The following RRM2 variants were observed in gnomAD, a reference collection of about 807,000 sequenced individuals.
RRM2 encodes ribonucleotide reductase regulatory subunit M2, also known as ribonucleoside-diphosphate reductase subunit M2.
In RRM2, 6 loss-of-function variants were observed where a neutral mutation model predicts 45.9. That is an observed-to-expected ratio of 0.13 (90% CI 0.07 to 0.26). The LOEUF is 0.26. Ranked by LOEUF, RRM2 falls within the 10% of genes least tolerant of loss-of-function variation. The pLI is 1.00. For synonymous variants in RRM2, 177 were observed against 173.0 expected (o/e 1.02, Z -0.18); for missense variants, 343 against 489.5 (o/e 0.70, Z 2.82).
intron 3 of RRM2, among the ~76,000 whole-genome samples, chr2:10,157,280 T>G (rs1663451290): frequency 6.6e-6 from 1 of 152,222 alleles, no homozygotes; most frequent in African/African-American, 2.4e-5. Context: ...TCTGCCTGCC[T>G]CTGCTTCTCA....
rs1663808915 is a variant in RRM2 at position 10,171,608 on chromosome 2, G to A, written n.482+29233G>A. ...AGAGCTGATGCTGAACAAAGGAACAGGGTGATCTGGGAGCAGCAGCAGCCG... is the reference window on the plus strand; with the variant it reads ...AGAGCTGATGCTGAACAAAGGAACAAGGTGATCTGGGAGCAGCAGCAGCCG... On this transcript the variant is annotated intron_variant and non_coding_transcript_variant, in intron 3 of 3. Transcript: ENST00000381786. This position sits in a 1 kb window ranked among gnomAD's most constrained non-coding sequence, Gnocchi z 4.1. Among the ~76,000 whole-genome samples, 2 of 152,202 alleles carry A rather than the reference G, an allele frequency of 1.3e-5. No homozygotes were observed. Among genetic ancestry groups the A allele is most frequent in the Non-Finnish European group, 2.9e-5 (2 of 68,038 alleles).
At chr2:10,125,432 G>A (rs761133775) in intron 5 of RRM2, among the ~76,000 whole-genome samples, 20 of 152,120 alleles carry the variant, frequency 1.3e-4, no homozygotes, top group Admixed American at 9.2e-4. Context: ...AGGGTGGCGC[G>A]CGGTGGTTCT....
rs531450376 is a variant in RRM2 at position 10,195,193 on chromosome 2, G to A, written n.483-15118G>A. The stretch of plus-strand genomic sequence containing the variant: ...ACAGGCATGTTCTGGAAGACCCACC[G>A]TCTGAGGGGTCATGTGACAGGTGGG... On this transcript the variant is annotated intron_variant and non_coding_transcript_variant, in intron 3 of 3. Coordinates refer to the RRM2 transcript ENST00000381786. This position sits in a 1 kb window ranked among gnomAD's most constrained non-coding sequence, Gnocchi z 4.9. Among the ~76,000 whole-genome samples, 22 of 152,316 alleles carry A rather than the reference G, an allele frequency of 1.4e-4. No individual in the cohort carries two copies. The highest frequency in any genetic ancestry group is 3.4e-3 in the Middle Eastern group (1 of 294).
chr2:10,191,756 T>C (rs763587315), intron 3 of RRM2, among the ~76,000 whole-genome samples: 2 of 152,004 alleles, frequency 1.3e-5, no homozygotes, highest in South Asian at 2.1e-4. Flanking sequence ...GCCACGGCCA[T>C]GCGCACTGGG....
chr2:10,208,616 T>C (rs557465718), intron 3 of RRM2, among the ~76,000 whole-genome samples: 4 of 152,342 alleles, frequency 2.6e-5, no homozygotes, highest in African/African-American at 7.2e-5. Flanking sequence ...ATTGATTCAC[T>C]CTTTGTTTCA....
At chr2:10,194,642 A>G (rs1461378365) in intron 3 of RRM2, among the ~76,000 whole-genome samples, 1 of 152,240 alleles carries the variant, frequency 6.6e-6, no homozygotes, top group Admixed American at 6.5e-5. Flanking sequence ...CGTGCCCAGC[A>G]TGGGCTCTGG....
At chr2:10,170,325 T>A (rs1411680798) in intron 3 of RRM2, among the ~76,000 whole-genome samples, 2 of 152,190 alleles carry the variant, frequency 1.3e-5, no homozygotes, top group Non-Finnish European at 1.5e-5. Flanking sequence ...TTGCTTATCA[T>A]GGAAATAAAT....
chr2:10,191,330 A>G lies in RRM2; in HGVS notation n.483-18981A>G, dbSNP rs777567105. On this transcript the variant is annotated intron_variant and non_coding_transcript_variant, in intron 3 of 3. Transcript: ENST00000381786. The stretch of plus-strand genomic sequence containing the variant: ...CCATGTGACCTTGGCATGCTCCTTG[A>G]CCTCTCTAAACCTTGCATGACACTT... Among the ~76,000 whole-genome samples, 18 of 152,262 alleles carry G rather than the reference A, an allele frequency of 1.2e-4. No homozygotes were observed. The South Asian group carries it at 1.9e-3, about 16-fold the overall frequency.
intron 3 of RRM2, among the ~76,000 whole-genome samples, chr2:10,191,093 G>C (rs4669551): frequency 0.89 from 136,072 of 152,222 alleles, 60,890 homozygotes; most frequent in East Asian, 1. Context: ...CCCACAGGAC[G>C]CTGGCATTGC....
At chr2:10,133,517 C>T (rs1054752881), downstream of RRM2, among the ~76,000 whole-genome samples, 3 of 152,158 alleles carry the variant, frequency 2.0e-5, no homozygotes, top group East Asian at 5.8e-4. Flanking sequence ...GGTTTAACTC[C>T]TCTTAGCAAG....
intron 3 of RRM2, among the ~76,000 whole-genome samples, chr2:10,206,847 T>G (rs1248098695): frequency 6.6e-6 from 1 of 152,170 alleles, no homozygotes. Context: ...GACACAGAGC[T>G]GGATACACAA....
intron 5 of RRM2, chr2:10,126,660 T>C: frequency 1.8e-6 from 1 of 569,360 alleles, no homozygotes; most frequent in Non-Finnish European, 3.1e-6. Flanking sequence ...CCCAAACTTG[T>C]ATTAATGTAA....
chr2:10,162,061 C>T (rs534280557), intron 3 of RRM2, among the ~76,000 whole-genome samples: 81 of 152,364 alleles, frequency 5.3e-4, no homozygotes, highest in African/African-American at 1.8e-3. Context: ...GCCCTTCTGG[C>T]ACCATCTGCT....
intron 2 of RRM2, 138 bp from the exon 3 acceptor site, chr2:10,123,249 C>A: frequency 1.5e-6 from 2 of 1,303,256 alleles, no homozygotes; most frequent in Non-Finnish European, 2.1e-6. Flanking sequence ...TGCTGCGACC[C>A]ACGGAGTGCG....
rs1558406944 is a variant in RRM2, at chr2:10,200,644, C to CCGCGCACACAAAATATGAGGCCCACAGGG, written n.483-9667_483-9666insCGCGCACACAAAATATGAGGCCCACAGGG. On this transcript the variant is annotated intron_variant and non_coding_transcript_variant, in intron 3 of 3. Coordinates refer to the RRM2 transcript ENST00000381786. Reference sequence around the variant, plus strand: ...GCGCGCAAAATATGAGGCCCACAGGCACCGCGCACACAAAATATGAGGCCC... The same window carrying CCGCGCACACAAAATATGAGGCCCACAGGG: ...GCGCGCAAAATATGAGGCCCACAGGCCGCGCACACAAAATATGAGGCCCACAGGGACCGCGCACACAAAATATGAGGCCC... 6.6e-5 allele frequency among the ~76,000 whole-genome samples: 2 copies of CCGCGCACACAAAATATGAGGCCCACAGGG among 30,160 alleles called. 1 individual carries two copies. The highest frequency in any genetic ancestry group is 2.3e-4 in the African/African-American group (2 of 8,522). 19.8% of individuals were successfully genotyped at this position (30,160 alleles called of 152,430 possible). A position where few individuals can be genotyped will look rare whatever the true frequency, so the allele number is the denominator to read the frequency against.
chr2:10,206,742 C>T (rs1257554968), intron 3 of RRM2, among the ~76,000 whole-genome samples: 1 of 152,076 alleles, frequency 6.6e-6, no homozygotes, highest in Non-Finnish European at 1.5e-5. Context: ...CACCAAAGAC[C>T]ACAAGAAGAT....
At chr2:10,158,378 C>T (rs1385763072) in intron 3 of RRM2, among the ~76,000 whole-genome samples, 1 of 152,126 alleles carries the variant, frequency 6.6e-6, no homozygotes, top group Non-Finnish European at 1.5e-5. Context: ...AGGATTTGAA[C>T]CTACAGCCTT....
intron 4 of RRM2, chr2:10,124,106 C>CT: frequency 5.0e-6 from 2 of 397,736 alleles, no homozygotes; most frequent in South Asian, 2.7e-5. Flanking sequence ...CATCTGCCCC[C>CT]TCTTTTTTTT....
rs546886613 is a variant in RRM2, at chr2:10,147,180, C to T, written n.482+4805C>T. Reference sequence around the variant, plus strand: ...GTTGGCCAGGATGGACTTGATCTCTCGACCGCGTGATCTGCCCACCTCGGC... The same window carrying T: ...GTTGGCCAGGATGGACTTGATCTCTTGACCGCGTGATCTGCCCACCTCGGC... On this transcript the variant is annotated intron_variant and non_coding_transcript_variant, in intron 3 of 3. Transcript: ENST00000381786. 1.5e-3 allele frequency among the ~76,000 whole-genome samples: 228 copies of T among 152,060 alleles called. 2 individuals are homozygous for T. Among genetic ancestry groups the T allele is most frequent in the Middle Eastern group, 0.01 (3 of 294 alleles).
Sources: allele counts gnomAD v4.1 joint callset (sites outside exome capture counted in the v4.1 genomes callset), GRCh38; gene constraint gnomAD v4.1.1; non-coding constraint Gnocchi (gnomAD v3.1); transcripts MANE v1.5; gene names NCBI Gene and HGNC (gene_info 2026-07-23, HGNC 2026-07-21).